The following TRHDE variants were observed in gnomAD, a reference collection of about 807,000 sequenced individuals.
TRHDE encodes the protein thyrotropin releasing hormone degrading enzyme.
In TRHDE, 72 loss-of-function variants were observed where a neutral mutation model predicts 125.7. That is an observed-to-expected ratio of 0.57 (90% CI 0.47 to 0.70). TRHDE has a LOEUF of 0.70. TRHDE is among the 30% of genes least tolerant of loss of function. TRHDE has a pLI of 0.00. For missense variants in TRHDE, 1,110 were observed against 1,327.1 expected (o/e 0.84, Z 2.54); for synonymous variants, 509 against 509.1 (o/e 1.00, Z 0.00).
At chr12:72,179,279 A>G (rs532520201) in intron 2 of TRHDE, among the ~76,000 whole-genome samples, 2 of 152,134 alleles carry the variant, frequency 1.3e-5, no homozygotes, top group Non-Finnish European at 2.9e-5. Flanking sequence ...TAGAATTTAC[A>G]TCAGTAACAT....
intron 2 of TRHDE, among the ~76,000 whole-genome samples, chr12:72,131,050 G>C (rs890815586): frequency 1.0e-4 from 15 of 143,948 alleles, no homozygotes; most frequent in African/African-American, 3.6e-4. Context: ...TATATTTCTT[G>C]TACTACTTAA....
Position 72,666,673 on chromosome 12 carries a change from G to T in TRHDE, c.*3478G>T, listed in dbSNP as rs915421839. The T allele has an allele frequency of 6.6e-6, 1 of 151,988 alleles. No individual in the cohort carries two copies. The highest frequency in any genetic ancestry group is 6.6e-5 in the Admixed American group (1 of 15,230). The allele number at this position is 151,988 out of a possible 1,614,324, so 9.4% of individuals were successfully genotyped here. A position where few individuals can be genotyped will look rare whatever the true frequency, so the allele number is the denominator to read the frequency against. On this transcript the variant is annotated 3_prime_UTR_variant, in exon 19 of 19. Transcript: ENST00000261180. ...TATGTTGAAAATATCTCTATCGATT[G>T]CATTAATTGGAGATTTTCCAAATAC...
intron 12 of TRHDE, among the ~76,000 whole-genome samples, chr12:72,593,497 A>G (rs1381047238): frequency 6.6e-6 from 1 of 150,932 alleles, no homozygotes; most frequent in East Asian, 1.9e-4. Flanking sequence ...TTTTTTTTTG[A>G]GAGGGAGTTT....
At chr12:72,526,077 T>C (rs1188809062) in intron 6 of TRHDE, among the ~76,000 whole-genome samples, 2 of 152,158 alleles carry the variant, frequency 1.3e-5, no homozygotes, top group East Asian at 3.8e-4. Flanking sequence ...AAAAAAATTA[T>C]ATCTAGTTTT....
In TRHDE at chr12:72,237,696, T is replaced by C. The variant is rs1208726498; in HGVS notation, n.279+131944T>C. On this transcript the variant is annotated intron_variant and non_coding_transcript_variant, in intron 2 of 4. Transcript: ENST00000548156. ...CCTGCTTCCTCTTTGCCTATGGCCA[T>C]GATTGCAAGTTTCCTGAGGCCTCCC... Among the ~76,000 whole-genome samples, 3 of 152,164 alleles carry C rather than the reference T, an allele frequency of 2.0e-5. No individual in the cohort carries two copies. The South Asian group carries it at 6.2e-4, about 31-fold the overall frequency.
intron 2 of TRHDE, among the ~76,000 whole-genome samples, chr12:72,288,636 G>C (rs1385204917): frequency 6.6e-6 from 1 of 152,090 alleles, no homozygotes; most frequent in Non-Finnish European, 1.5e-5. Context: ...CTTGCTGTGG[G>C]TCAGCTAGCA....
chr12:72,187,764 A>G (rs909859626), intron 2 of TRHDE, among the ~76,000 whole-genome samples: 1 of 152,322 alleles, frequency 6.6e-6, no homozygotes, highest in African/African-American at 2.4e-5. Flanking sequence ...AGTCAAGTTG[A>G]CACATAAGAT....
intron 12 of TRHDE, among the ~76,000 whole-genome samples, chr12:72,591,883 A>G (rs902691283): frequency 6.6e-6 from 1 of 151,528 alleles, no homozygotes; most frequent in African/African-American, 2.4e-5. Context: ...TCTGTATGCA[A>G]TTGTATATTT....
At chr12:72,209,970 A>G (rs1877741586) in intron 2 of TRHDE, among the ~76,000 whole-genome samples, 1 of 152,176 alleles carries the variant, frequency 6.6e-6, no homozygotes, top group South Asian at 2.1e-4. Flanking sequence ...AGACGTAGAC[A>G]TTGTTGAGGC....
chr12:72,373,130 G>C (rs1447300316), intron 2 of TRHDE, among the ~76,000 whole-genome samples: 1 of 152,036 alleles, frequency 6.6e-6, no homozygotes, highest in Non-Finnish European at 1.5e-5. Flanking sequence ...GGATTCCTAG[G>C]TATTTTATTC....
At chr12:72,440,308 T>C (rs1874942517) in intron 3 of TRHDE, among the ~76,000 whole-genome samples, 1 of 151,936 alleles carries the variant, frequency 6.6e-6, no homozygotes, top group Non-Finnish European at 1.5e-5. Flanking sequence ...AGAATTAGTA[T>C]TAGTTTTTCT....
chr12:72,455,070 TAAG>T (rs1349303640), intron 3 of TRHDE, among the ~76,000 whole-genome samples: 1 of 152,084 alleles, frequency 6.6e-6, no homozygotes, highest in Non-Finnish European at 1.5e-5. Context: ...TAATATAGAA[TAAG>T]AAGGTCAGGA....
At chr12:72,542,426 CT>C in intron 7 of TRHDE, 70 bp downstream of exon 7, 1 of 1,321,982 alleles carries the variant, frequency 7.6e-7, no homozygotes, top group Non-Finnish European at 1.1e-6. Flanking sequence ...TAGGAAATGG[CT>C]AATACAAAAT....
intron 2 of TRHDE, among the ~76,000 whole-genome samples, chr12:72,374,293 GT>G (rs879574427): frequency 0.31 from 10,397 of 34,070 alleles, 823 homozygotes; most frequent in African/African-American, 0.49. Flanking sequence ...AGAAGGAGAA[GT>G]GTGTGTGTGT....
chr12:72,499,518 C>G lies in TRHDE; in HGVS notation c.1605C>G (p.Thr535=). The G allele has an allele frequency of 6.2e-7, 1 of 1,613,574 alleles. No homozygotes were observed. The highest frequency in any genetic ancestry group is 1.1e-5 in the South Asian group (1 of 91,056). The change falls in exon 6 of 19, where the codon ACC becomes ACG. Residue 535 remains threonine, a synonymous_variant. Transcript: ENST00000261180. ...GWNMEKQRFL[T]DVLHEVMLLD... is the part of the protein sequence containing the mutation. ...TGCAGGAAAAGCAGAGGTTTCTGAC[C>G]GATGTTCTGCATGAAGTGATGCTGC...
intron 2 of TRHDE, among the ~76,000 whole-genome samples, chr12:72,294,753 C>A (rs1880223308): frequency 6.6e-6 from 1 of 152,050 alleles, no homozygotes; most frequent in Non-Finnish European, 1.5e-5. Flanking sequence ...TTCATGGCAC[C>A]CAGGCTATAA....
At chr12:72,243,021 T>C (rs190513757) in intron 2 of TRHDE, among the ~76,000 whole-genome samples, 1 of 152,336 alleles carries the variant, frequency 6.6e-6, no homozygotes, top group East Asian at 1.9e-4. Flanking sequence ...AGACGCTCTC[T>C]TTCTTCTACT....
chr12:72,184,723 C>G (rs535378604), intron 2 of TRHDE, among the ~76,000 whole-genome samples: 31 of 152,302 alleles, frequency 2.0e-4, no homozygotes, highest in African/African-American at 6.7e-4. Flanking sequence ...TTAAGAGCTT[C>G]AGGCCTTGAC....
At chr12:72,118,346 A>G (rs1875496788) in intron 2 of TRHDE, among the ~76,000 whole-genome samples, 1 of 152,118 alleles carries the variant, frequency 6.6e-6, no homozygotes, top group African/African-American at 2.4e-5. Context: ...TTGATACAAT[A>G]TATCACCTTG....
Sources: allele counts gnomAD v4.1 joint callset (sites outside exome capture counted in the v4.1 genomes callset), GRCh38; gene constraint gnomAD v4.1.1; transcripts MANE v1.5; gene names NCBI Gene and HGNC (gene_info 2026-07-23, HGNC 2026-07-21).